Variants in NOTCH2NLA observed in about 807,000 individuals in gnomAD.
NOTCH2NLA encodes the protein notch 2 N-terminal like A.
rs1662784133 is a variant in NOTCH2NLA at position 146,186,713 on chromosome 1, C to T, written c.38+2587G>A. Among the ~76,000 whole-genome samples the T allele has an allele frequency of 3.1e-5, 4 of 128,394 alleles. No homozygotes were observed. The Admixed American group carries it at 3.2e-4, about 10-fold the overall frequency. 84.2% of individuals were successfully genotyped at this position (128,394 alleles called of 152,430 possible). On this transcript the variant is annotated intron_variant, in intron 2 of 4. Transcript: ENST00000362074. ...TAGTCTCCCCTAGAAACCTTCTCTCCCCATGTCAGACCAAAAATATATAGG... is the reference window on the plus strand; with the variant it reads ...TAGTCTCCCCTAGAAACCTTCTCTCTCCATGTCAGACCAAAAATATATAGG...
intron 2 of NOTCH2NLA, among the ~76,000 whole-genome samples, chr1:146,188,383 G>A (rs1159343863): frequency 9.6e-6 from 1 of 104,414 alleles, no homozygotes; most frequent in East Asian, 2.3e-4. Flanking sequence ...AAAACGTCTT[G>A]GCTAGAGTAG....
rs1393545206 is a variant in NOTCH2NLA, at chr1:146,174,395, T to C, written c.39-9385A>G. ...TCCAGGGCTTTGCTGCAGCTCTGTC[T>C]TTAGCTTTTTTTTTTTTTTTTTTTT... is the stretch of plus-strand genomic sequence containing the variant. On this transcript the variant is annotated intron_variant, in intron 2 of 4. Transcript: ENST00000362074. Among the ~76,000 whole-genome samples the C allele has an allele frequency of 1.8e-5, 2 of 110,750 alleles. 1 individual carries two copies. Among genetic ancestry groups the C allele is most frequent in the African/African-American group, 6.6e-5 (2 of 30,290 alleles). The allele number at this position is 110,750 out of a possible 152,430, so 72.7% of individuals were successfully genotyped here.
intron 1 of NOTCH2NLA, among the ~76,000 whole-genome samples, chr1:146,204,185 CA>C (rs1302595048): frequency 4.9e-4 from 43 of 87,280 alleles, no homozygotes; most frequent in African/African-American, 2.2e-3. Context: ...AGGAGATGGG[CA>C]ACTTCTTTTT....
chr1:146,178,699 CAG>C (rs1571297382), intron 2 of NOTCH2NLA, among the ~76,000 whole-genome samples: 1 of 122,372 alleles, frequency 8.2e-6, no homozygotes, highest in East Asian at 2.1e-4. Flanking sequence ...AGAATTAAGA[CAG>C]AAAAATTAAA....
intron 2 of NOTCH2NLA, among the ~76,000 whole-genome samples, chr1:146,187,844 T>A (rs1245961240): frequency 7.4e-6 from 1 of 135,488 alleles, no homozygotes; most frequent in Non-Finnish European, 1.7e-5. Flanking sequence ...ATGCACCACA[T>A]TTTTTTTTCC....
At chr1:146,161,952 A>G (rs1450796726) in intron 3 of NOTCH2NLA, among the ~76,000 whole-genome samples, 1 of 93,114 alleles carries the variant, frequency 1.1e-5, no homozygotes, top group Non-Finnish European at 2.0e-5. Context: ...CTCCATCAGG[A>G]AAAAAAAAAA....
At chr1:146,178,534 ACAGT>A (rs2102309879) in intron 2 of NOTCH2NLA, among the ~76,000 whole-genome samples, 1 of 89,264 alleles carries the variant, frequency 1.1e-5, no homozygotes, top group African/African-American at 3.5e-5. Flanking sequence ...ACAAACTGTG[ACAGT>A]CAGTGTCAGC....
chr1:146,159,175 C>T (rs1772486), intron 3 of NOTCH2NLA, among the ~76,000 whole-genome samples: 27 of 150,594 alleles, frequency 1.8e-4, no homozygotes, highest in African/African-American at 4.0e-4. Context: ...CTGGCCAACA[C>T]GGTGAAACGC....
Position 146,228,591 on chromosome 1 carries a change from G to A in NOTCH2NLA, c.-45+118C>T, listed in dbSNP as rs370650894. 284 of 1,383,432 alleles carry A rather than the reference G, an allele frequency of 2.1e-4. No homozygotes were observed. The East Asian group carries it at 5.8e-3, about 28-fold the overall frequency. The allele number at this position is 1,383,432 out of a possible 1,614,324, so 85.7% of individuals were successfully genotyped here. On this transcript the variant is annotated intron_variant, in intron 1 of 4. Coordinates refer to ENST00000362074, the Ensembl canonical transcript of NOTCH2NLA. ...TCTCGGGAACCCAGCGAGTGGCCTC[G>A]CTCCGCGCCGGCGGCCGAGCCTGGC...
intron 2 of NOTCH2NLA, among the ~76,000 whole-genome samples, chr1:146,183,544 A>G (rs587769586): frequency 8.4e-6 from 1 of 119,716 alleles, no homozygotes; most frequent in East Asian, 2.3e-4. Context: ...AACTATACAC[A>G]CAATGTTCAG....
At chr1:146,172,568 AT>A (rs1662041601) in intron 2 of NOTCH2NLA, among the ~76,000 whole-genome samples, 1 of 151,622 alleles carries the variant, frequency 6.6e-6, no homozygotes, top group African/African-American at 2.4e-5. Context: ...GAGAAACATC[AT>A]GCTTCCCTTC....
At chr1:146,207,895 C>T (rs1663672949) in intron 1 of NOTCH2NLA, among the ~76,000 whole-genome samples, 1 of 32,010 alleles carries the variant, frequency 3.1e-5, no homozygotes. Flanking sequence ...AATCATGGCT[C>T]ACTGCAGCCT....
At chr1:146,153,533 CA>C (rs1304413202), downstream of NOTCH2NLA, 1 of 66,646 alleles carries the variant, frequency 1.5e-5, no homozygotes, top group African/African-American at 5.7e-5. Flanking sequence ...AATACTTTAA[CA>C]AGCTACTTTG....
intron 2 of NOTCH2NLA, among the ~76,000 whole-genome samples, chr1:146,174,776 G>C (rs1179703264): frequency 3.5e-5 from 5 of 142,142 alleles, no homozygotes; most frequent in African/African-American, 1.2e-4. Context: ...AGAGGGGGGA[G>C]CTGTCGTTAA....
At chr1:146,175,383 G>A (rs1297279117) in intron 2 of NOTCH2NLA, among the ~76,000 whole-genome samples, 2 of 124,704 alleles carry the variant, frequency 1.6e-5, no homozygotes, top group South Asian at 2.4e-4. Flanking sequence ...TAAAAAGAAA[G>A]AAAAAAAAGG....
intron 2 of NOTCH2NLA, among the ~76,000 whole-genome samples, chr1:146,186,365 T>A: frequency 7.8e-6 from 1 of 128,190 alleles, no homozygotes; most frequent in African/African-American, 2.5e-5. Flanking sequence ...TCTTTTTTTT[T>A]TTTTTTGGAG....
At chr1:146,185,481 G>A (rs1165101070) in intron 2 of NOTCH2NLA, among the ~76,000 whole-genome samples, 3 of 136,372 alleles carry the variant, frequency 2.2e-5, no homozygotes, top group African/African-American at 7.4e-5. Context: ...TCCTAATCTG[G>A]CATCAAAATC....
At chr1:146,180,396 C>T (rs1294908308) in intron 2 of NOTCH2NLA, among the ~76,000 whole-genome samples, 1 of 141,502 alleles carries the variant, frequency 7.1e-6, no homozygotes, top group Non-Finnish European at 1.6e-5. Flanking sequence ...AAACTCTTTT[C>T]ATAAAGATCA....
chr1:146,183,639 A>G (rs1332521321), intron 2 of NOTCH2NLA, among the ~76,000 whole-genome samples: 16 of 112,310 alleles, frequency 1.4e-4, no homozygotes, highest in Non-Finnish European at 2.4e-4. Context: ...AACAGTTGAT[A>G]TTTTTCCCTG....
Sources: allele counts gnomAD v4.1 joint callset (sites outside exome capture counted in the v4.1 genomes callset), GRCh38; gene constraint gnomAD v4.1.1; transcripts MANE v1.5; gene names NCBI Gene and HGNC (gene_info 2026-07-23, HGNC 2026-07-21).